Variants in TENM1 observed in about 807,000 individuals in gnomAD.
TENM1 encodes teneurin transmembrane protein 1, also known as teneurin-1.
TENM1 carries 35 observed loss-of-function variants against 174.8 expected under a neutral mutation model. The ratio of observed to expected loss-of-function variants is 0.20; its 90% CI spans 0.15 to 0.27. The LOEUF (loss-of-function observed/expected upper bound fraction) is 0.27. Among genes scored for constraint, TENM1 ranks in the 10% least tolerant of loss-of-function variants. The pLI, the probability that TENM1 is intolerant of heterozygous loss-of-function variation, is 1.00. For missense variants in TENM1, 1,633 were observed against 2,130.1 expected (o/e 0.77, Z 4.59); for synonymous variants, 781 against 798.7 (o/e 0.98, Z 0.37).
intron 1 of TENM1, among the ~76,000 whole-genome samples, chrX:124,952,372 G>C (rs1035689788): frequency 2.8e-5 from 3 of 108,977 alleles, no homozygotes; most frequent in African/African-American, 1.0e-4. Flanking sequence ...GTGTGTGTAT[G>C]TGCATCTGAT....
intron 11 of TENM1, among the ~76,000 whole-genome samples, chrX:124,587,756 T>C (rs1243850028): frequency 1.8e-5 from 2 of 110,903 alleles, no homozygotes; most frequent in Middle Eastern, 4.6e-3. Flanking sequence ...ACAGGCAACC[T>C]ACAAAATGGG....
intron 6 of TENM1, among the ~76,000 whole-genome samples, chrX:124,660,381 A>G (rs1219637462): frequency 9.1e-6 from 1 of 110,295 alleles, no homozygotes; most frequent in Non-Finnish European, 1.9e-5. Flanking sequence ...TCTCCAAAAA[A>G]AAAAAAAAAT....
intron 19 of TENM1, among the ~76,000 whole-genome samples, chrX:124,498,186 CT>C (rs892118162): frequency 1.7e-4 from 19 of 111,556 alleles, no homozygotes; most frequent in Non-Finnish European, 3.4e-4. Flanking sequence ...CATGGCTCTT[CT>C]TTCCCCCCAT....
chrX:124,943,259 G>T (rs1044058076), intron 1 of TENM1, among the ~76,000 whole-genome samples: 1 of 110,880 alleles, frequency 9.0e-6, no homozygotes, highest in Non-Finnish European at 1.9e-5. Context: ...ATCCAAAAGG[G>T]GGCAAATGGG....
At chrX:125,177,717 T>C in the TENM1 span, among the ~76,000 whole-genome samples, 5 of 111,455 alleles carry the variant, frequency 4.5e-5, no homozygotes, top group Non-Finnish European at 9.4e-5. Flanking sequence ...GAAATAACAC[T>C]CCTAAGGAAT....
chrX:125,103,853 G>A, the TENM1 span, among the ~76,000 whole-genome samples: 1 of 111,754 alleles, frequency 8.9e-6, no homozygotes, highest in African/African-American at 3.3e-5. Flanking sequence ...AGGCATGGTG[G>A]CACTCACCTG....
At chrX:124,683,514 A>G (rs1055515914) in intron 5 of TENM1, among the ~76,000 whole-genome samples, 1 of 111,873 alleles carries the variant, frequency 8.9e-6, no homozygotes, top group African/African-American at 3.2e-5. Flanking sequence ...TTTTCCATCA[A>G]TCTCAGGTAA....
At chrX:125,161,236 T>G in the TENM1 span, among the ~76,000 whole-genome samples, 2 of 111,452 alleles carry the variant, frequency 1.8e-5, no homozygotes, top group Non-Finnish European at 3.8e-5. Context: ...AGTATTTGCA[T>G]GTATCCTACA....
At chrX:125,063,452 A>T in the TENM1 span, among the ~76,000 whole-genome samples, 578 of 111,855 alleles carry the variant, frequency 5.2e-3, 3 homozygotes, top group African/African-American at 0.018. Context: ...AATGACTCAA[A>T]CAAATTTACA....
intron 3 of TENM1, among the ~76,000 whole-genome samples, chrX:124,758,845 G>C (rs2054334512): frequency 9.0e-6 from 1 of 111,608 alleles, no homozygotes; most frequent in African/African-American, 3.3e-5. Flanking sequence ...CAAACTCTTA[G>C]AAAGTACTAA....
chrX:124,818,257 A>G (rs2147286271), intron 3 of TENM1, among the ~76,000 whole-genome samples: 1 of 111,397 alleles, frequency 9.0e-6, no homozygotes, highest in African/African-American at 3.3e-5. Context: ...AGTTTGTCAA[A>G]CTGTTTTCCG....
chrX:124,443,034 C>T (rs2060921561), intron 23 of TENM1, among the ~76,000 whole-genome samples: 1 of 78,018 alleles, frequency 1.3e-5, no homozygotes, highest in East Asian at 3.7e-4. Flanking sequence ...CTTTTCATGC[C>T]TGGATGACTA....
At chrX:124,760,666 A>T (rs2054387607) in intron 3 of TENM1, among the ~76,000 whole-genome samples, 1 of 112,147 alleles carries the variant, frequency 8.9e-6, no homozygotes, top group Admixed American at 9.4e-5. Context: ...CACAAAAAGC[A>T]ATGGCAACAA....
chrX:124,852,457 A>G (rs1433286445), intron 3 of TENM1, among the ~76,000 whole-genome samples: 2 of 111,040 alleles, frequency 1.8e-5, no homozygotes, highest in Non-Finnish European at 3.8e-5. Context: ...AGAATTTGGA[A>G]CAGAATTGGA....
intron 4 of TENM1, among the ~76,000 whole-genome samples, chrX:124,716,935 C>CT (rs753637867): frequency 1.9e-4 from 21 of 109,439 alleles, no homozygotes; most frequent in Middle Eastern, 4.8e-3. Context: ...TTAAAGGCAC[C>CT]TTTTTTTTTG....
chrX:124,608,260 G>A (rs149557864), intron 11 of TENM1, among the ~76,000 whole-genome samples: 1,737 of 111,278 alleles, frequency 0.016, 35 homozygotes, highest in African/African-American at 0.054. Flanking sequence ...TTCCTAATGC[G>A]TGGGAAGTCC....
In TENM1 at chrX:124,736,906, C is replaced by G. The variant is rs750659643; in HGVS notation, c.776+51G>C. 4.3e-6 allele frequency: 5 copies of G among 1,158,692 alleles called. No individual in the cohort carries two copies. The South Asian group carries it at 1.0e-4, about 24-fold the overall frequency. On this transcript the variant is annotated intron_variant, in intron 4 of 31. Transcript: ENST00000422452. ...AAATGAGTTTCTGCAATCAGTAGAA[C>G]CATCCTCTGCCAATACTTAAGTTTA...
intron 3 of TENM1, among the ~76,000 whole-genome samples, chrX:124,886,330 T>A (rs1040181908): frequency 1.8e-5 from 2 of 109,971 alleles, no homozygotes; most frequent in African/African-American, 6.6e-5. Context: ...TGTACTGTAT[T>A]TAACTTCTAC....
chrX:124,411,354 T>G (rs1027735431), intron 25 of TENM1, among the ~76,000 whole-genome samples: 1 of 110,864 alleles, frequency 9.0e-6, no homozygotes, highest in Non-Finnish European at 1.9e-5. Flanking sequence ...TGTGTGTGTG[T>G]GCACGCACGT....
Sources: gnomAD v4.1 joint callset for allele counts (sites outside exome capture counted in the v4.1 genomes callset) on GRCh38, gnomAD v4.1.1 for gene constraint, MANE v1.5 for transcripts, NCBI Gene and HGNC (gene_info 2026-07-23, HGNC 2026-07-21) for gene names.